The following KCNMA1 variants were observed in gnomAD, a reference collection of about 807,000 sequenced individuals.
The protein encoded by KCNMA1 is Calcium-activated potassium channel subunit alpha-1.
KCNMA1 carries 29 observed loss-of-function variants against 140.0 expected under a neutral mutation model. The ratio of observed to expected loss-of-function variants is 0.21; its 90% CI spans 0.15 to 0.28. The LOEUF (loss-of-function observed/expected upper bound fraction) is 0.28. KCNMA1 is among the 10% of genes least tolerant of loss of function. The pLI is 1.00. For synonymous variants in KCNMA1, 612 were observed against 611.9 expected, an observed-to-expected ratio of 1.00 and a Z score of 0.00; for missense variants, 880 against 1,602.2, an observed-to-expected ratio of 0.55 and a Z score of 7.70.
At chr10:77,414,290 T>A (rs568773627) in intron 1 of KCNMA1, among the ~76,000 whole-genome samples, 2 of 152,190 alleles carry the variant, frequency 1.3e-5, no homozygotes, top group East Asian at 3.9e-4. Flanking sequence ...CCCCGGGAAA[T>A]GCTGCAGGAC....
chr10:77,150,858 T>C (rs1246030740), intron 5 of KCNMA1, among the ~76,000 whole-genome samples: 3 of 152,194 alleles, frequency 2.0e-5, no homozygotes, highest in South Asian at 2.1e-4. Flanking sequence ...TCATGTTCTC[T>C]CTTTGTGATT....
intron 5 of KCNMA1, among the ~76,000 whole-genome samples, chr10:77,164,533 T>C (rs2098611448): frequency 6.6e-6 from 1 of 152,038 alleles, no homozygotes; most frequent in Non-Finnish European, 1.5e-5. Flanking sequence ...TTTTTTTTTT[T>C]TGGAATCCTG....
Position 77,001,442 on chromosome 10 carries a change from A to G in KCNMA1, c.2231T>C (p.Val744Ala), listed in dbSNP as rs1308905704. Residue 744 changes from valine to alanine, a missense_variant, in exon 19 of 28, where the codon GTC becomes GCC. Transcript: ENST00000286628. ...TLERAFPLSS[V>A]SVNDCSTSFR... Reference sequence around the variant, plus strand: ...ACTGGTGGAGCAATCATTAACAGAGACAGAAGAAAGTGGGAAGGCTCTCTC... The same window carrying G: ...ACTGGTGGAGCAATCATTAACAGAGGCAGAAGAAAGTGGGAAGGCTCTCTC... 1 of 1,551,746 alleles carries G rather than the reference A, an allele frequency of 6.4e-7. No individual in the cohort carries two copies. Among genetic ancestry groups the G allele is most frequent in the Admixed American group, 2.0e-5 (1 of 51,014 alleles).
intron 15 of KCNMA1, chr10:77,039,307 A>T: frequency 1.6e-6 from 1 of 606,504 alleles, no homozygotes; most frequent in South Asian, 1.9e-5. Context: ...CAAGTCCAAG[A>T]CTCTCAGGCC....
At chr10:77,353,871 G>A (rs1342182523) in intron 2 of KCNMA1, among the ~76,000 whole-genome samples, 2 of 151,930 alleles carry the variant, frequency 1.3e-5, no homozygotes, top group African/African-American at 2.4e-5. Flanking sequence ...GGACATGAAC[G>A]CAGGCACAGT....
At chr10:77,460,832 A>G (rs59968142) in intron 1 of KCNMA1, among the ~76,000 whole-genome samples, 8,260 of 152,210 alleles carry the variant, frequency 0.054, 532 homozygotes, top group African/African-American at 0.15. Context: ...TGGGCTGGGC[A>G]TGGTGGTTCA....
At chr10:77,004,664 C>G (rs2087776667) in intron 18 of KCNMA1, among the ~76,000 whole-genome samples, 1 of 152,290 alleles carries the variant, frequency 6.6e-6, no homozygotes, top group African/African-American at 2.4e-5. Context: ...AAATTATACT[C>G]TTAAGTTGTA....
intron 2 of KCNMA1, among the ~76,000 whole-genome samples, chr10:77,268,219 C>A (rs147460953): frequency 6.6e-6 from 1 of 152,174 alleles, no homozygotes; most frequent in African/African-American, 2.4e-5. Context: ...GCTCCTGTAG[C>A]CACTCTAGGA....
downstream of KCNMA1, among the ~76,000 whole-genome samples, chr10:76,881,592 A>C (rs915133160): frequency 6.6e-6 from 1 of 152,166 alleles, no homozygotes; most frequent in African/African-American, 2.4e-5. Flanking sequence ...GCTCATGAGA[A>C]TGCCTGGCCC....
chr10:77,607,235 G>A (rs78667857), intron 1 of KCNMA1, among the ~76,000 whole-genome samples: 1,947 of 152,330 alleles, frequency 0.013, 47 homozygotes, highest in African/African-American at 0.044. Context: ...CAGGTGAGGA[G>A]GATAATGGAC....
rs951573514 is a variant in KCNMA1 at position 77,108,206 on chromosome 10, A to C, written c.1223+275T>G. On this transcript the variant is annotated intron_variant, in intron 9 of 27. Transcript: ENST00000286628. This position sits in a 1 kb window ranked among gnomAD's most constrained non-coding sequence, Gnocchi z 4.6. ...ACAGAAGCACCCGGTGGGGTTGGGG[A>C]GGGGCAGAATTCAGATGGCACCTCC... 8.9e-7 allele frequency: 1 copy of C among 1,119,334 alleles called. No individual in the cohort carries two copies. The allele number at this position is 1,119,334 out of a possible 1,614,324, so 69.3% of individuals were successfully genotyped here.
At chr10:77,619,242 T>A (rs1385089840) in intron 1 of KCNMA1, among the ~76,000 whole-genome samples, 3 of 152,102 alleles carry the variant, frequency 2.0e-5, no homozygotes, top group Admixed American at 2.0e-4. Context: ...CAACTGGGGT[T>A]GGAGGATCCA....
rs1159730271 is a variant in KCNMA1 at position 76,887,811 on chromosome 10, A to T, written c.3462-296T>A. 7.1e-6 allele frequency: 3 copies of T among 422,700 alleles called. No homozygotes were observed. The Admixed American group carries it at 1.1e-4, about 16-fold the overall frequency. The allele number at this position is 422,700 out of a possible 1,614,324, so 26.2% of individuals were successfully genotyped here. A position where few individuals can be genotyped will look rare whatever the true frequency, so the allele number is the denominator to read the frequency against. Reference sequence around the variant, plus strand: ...TACATGTACCTTTCTATACAAGGTCAAAGTCACTTTCAAGTAGCCCAACCG... The same window carrying T: ...TACATGTACCTTTCTATACAAGGTCTAAGTCACTTTCAAGTAGCCCAACCG... On this transcript the variant is annotated intron_variant, in intron 27 of 27. Transcript: ENST00000286628.
At chr10:77,382,870 A>AG (rs1189125570) in intron 2 of KCNMA1, among the ~76,000 whole-genome samples, 1 of 78,584 alleles carries the variant, frequency 1.3e-5, no homozygotes, top group Non-Finnish European at 3.4e-5. Flanking sequence ...CGTCTCAAAA[A>AG]AAAAAAAAAA....
chr10:77,023,022 G>A (rs1483813768), intron 16 of KCNMA1: 3 of 443,674 alleles, frequency 6.8e-6, no homozygotes, highest in African/African-American at 4.0e-5. Flanking sequence ...ACACATCTAC[G>A]TGCAATTGGC....
chr10:77,375,586 GCCTTTCCAA>G (rs2095042981), intron 2 of KCNMA1, among the ~76,000 whole-genome samples: 1 of 152,206 alleles, frequency 6.6e-6, no homozygotes, highest in Admixed American at 6.5e-5. Flanking sequence ...CAGAGACCAA[GCCTTTCCAA>G]CTTGATCTGC....
chr10:77,540,942 T>G (rs1321039471), intron 1 of KCNMA1, among the ~76,000 whole-genome samples: 1 of 150,964 alleles, frequency 6.6e-6, no homozygotes, highest in Non-Finnish European at 1.5e-5. Context: ...GAGGCAGAGA[T>G]CGCAGTGAGC....
intron 19 of KCNMA1, among the ~76,000 whole-genome samples, chr10:76,990,691 T>G (rs1239224863): frequency 1.3e-5 from 2 of 152,194 alleles, no homozygotes; most frequent in Non-Finnish European, 1.5e-5. Flanking sequence ...TAACATCTGT[T>G]TAGGGCTTTG....
chr10:77,463,412 G>C (rs1465494830), intron 1 of KCNMA1, among the ~76,000 whole-genome samples: 1 of 152,132 alleles, frequency 6.6e-6, no homozygotes, highest in Non-Finnish European at 1.5e-5. Flanking sequence ...CAAGGATACA[G>C]CATCAAGGAG....
Sources: gnomAD v4.1 joint callset for allele counts (sites outside exome capture counted in the v4.1 genomes callset) on GRCh38, gnomAD v4.1.1 for gene constraint, Gnocchi (gnomAD v3.1) non-coding constraint, MANE v1.5 for transcripts, NCBI Gene and HGNC (gene_info 2026-07-23, HGNC 2026-07-21) for gene names.